DENND2B: variants seen among roughly 807,000 people sequenced by gnomAD.
DENND2B encodes DENN domain-containing protein 2B.
DENND2B carries 32 observed loss-of-function variants against 116.0 expected under a neutral mutation model. That is an observed-to-expected ratio of 0.28 (90% CI 0.21 to 0.37). DENND2B has a LOEUF of 0.37. Among genes scored for constraint, DENND2B ranks in the 10% least tolerant of loss-of-function variants. DENND2B has a pLI of 1.00. For synonymous variants in DENND2B, 588 were observed against 583.9 expected (o/e 1.01, Z -0.10); for missense variants, 1,276 against 1,477.7 (o/e 0.86, Z 2.24).
In DENND2B at chr11:8,865,140, T is replaced by C. The variant is rs79985878; in HGVS notation, c.-250+5814A>G. Among the ~76,000 whole-genome samples, 1,141 of 152,290 alleles carry C rather than the reference T, an allele frequency of 7.5e-3. 8 individuals carry two copies. The highest frequency in any genetic ancestry group is 0.012 in the Non-Finnish European group (825 of 68,016). ...TTCTATCATATTTGCATGGAGATCCTAAATTCCAGTTTAAACAAATGATTC... is the reference window on the plus strand; with the variant it reads ...TTCTATCATATTTGCATGGAGATCCCAAATTCCAGTTTAAACAAATGATTC... On this transcript the variant is annotated intron_variant, in intron 2 of 6. Coordinates refer to the DENND2B transcript ENST00000524757.
chr11:8,869,668 GAAA>G (rs1318739472), intron 2 of DENND2B, among the ~76,000 whole-genome samples: 1 of 151,142 alleles, frequency 6.6e-6, no homozygotes, highest in South Asian at 2.1e-4. Context: ...AAAAAAAAAA[GAAA>G]AAAATTTTTT....
intron 5 of DENND2B, 54 bp downstream of exon 5, chr11:8,717,687 C>T: frequency 1.5e-5 from 22 of 1,479,716 alleles, no homozygotes; most frequent in Non-Finnish European, 1.8e-5. Context: ...GAAGAGCAGG[C>T]CCCCACTGTG....
Position 8,827,434 on chromosome 11 carries a change from A to G in DENND2B, c.-115+11876T>C, listed in dbSNP as rs1594132564. 3.3e-5 allele frequency among the ~76,000 whole-genome samples: 5 copies of G among 152,228 alleles called. No individual in the cohort carries two copies. In the South Asian group the frequency reaches 1.0e-3, roughly 32 times the overall value. On this transcript the variant is annotated intron_variant, in intron 4 of 6. Transcript: ENST00000524757. ...TTTCACAGTTCTCCTGAAGGTGATGAAAGATTATAGCCACTCATCTCCAAT... is the reference window on the plus strand; with the variant it reads ...TTTCACAGTTCTCCTGAAGGTGATGGAAGATTATAGCCACTCATCTCCAAT...
intron 1 of DENND2B, among the ~76,000 whole-genome samples, chr11:8,769,239 C>T (rs372925316): frequency 1.4e-5 from 2 of 142,584 alleles, no homozygotes; most frequent in East Asian, 2.1e-4. Context: ...AAAGCAACTT[C>T]TTTTTTTTTT....
intron 1 of DENND2B, chr11:8,895,414 T>C (rs1206099453): frequency 1.3e-5 from 2 of 152,072 alleles, no homozygotes; most frequent in Admixed American, 6.6e-5. Flanking sequence ...TTAAAAAAAA[T>C]GGATGGACAT....
chr11:8,772,560 T>C lies in DENND2B; in HGVS notation c.-25-21835A>G, dbSNP rs373151226. Among the ~76,000 whole-genome samples, 149 of 152,150 alleles carry C rather than the reference T, an allele frequency of 9.8e-4. 1 individual carries two copies. In the South Asian group the frequency reaches 0.021, roughly 21 times the overall value. On this transcript the variant is annotated intron_variant, in intron 1 of 19. Coordinates refer to ENST00000313726, the MANE Select transcript of DENND2B (RefSeq NM_213618.2). ...CCCCACACATTTGGTGTCAGGAGTG[T>C]TGTGAGTAGCAATATATCATACTAA...
At chr11:8,806,818 C>T (rs2060901800) in intron 1 of DENND2B, among the ~76,000 whole-genome samples, 1 of 152,134 alleles carries the variant, frequency 6.6e-6, no homozygotes, top group African/African-American at 2.4e-5. Flanking sequence ...CTAGCCTCCC[C>T]AGCCCCTGCC....
chr11:8,799,097 C>T (rs1036611260), intron 1 of DENND2B, among the ~76,000 whole-genome samples: 2 of 152,210 alleles, frequency 1.3e-5, no homozygotes, highest in Admixed American at 6.5e-5. Flanking sequence ...GCTGGGATTA[C>T]AGGCCTGAGC....
chr11:8,844,945 T>C (rs907377028), intron 3 of DENND2B, among the ~76,000 whole-genome samples: 1 of 152,134 alleles, frequency 6.6e-6, no homozygotes, highest in Non-Finnish European at 1.5e-5. Context: ...TCTTGCTTTG[T>C]TGCCCAGGCT....
chr11:8,839,981 G>A (rs1452290058), intron 3 of DENND2B, among the ~76,000 whole-genome samples: 3 of 152,058 alleles, frequency 2.0e-5, no homozygotes, highest in Admixed American at 2.0e-4. Flanking sequence ...AAGGAGTTAA[G>A]CTAAGGGGAG....
chr11:8,864,875 T>A (rs1332034665), intron 2 of DENND2B, among the ~76,000 whole-genome samples: 3 of 152,026 alleles, frequency 2.0e-5, no homozygotes, highest in Non-Finnish European at 4.4e-5. Flanking sequence ...ACGGAAAAAA[T>A]TTAAAAAATC....
chr11:8,898,232 A>G (rs181795352), intron 1 of DENND2B, among the ~76,000 whole-genome samples: 112 of 152,318 alleles, frequency 7.4e-4, no homozygotes, highest in Admixed American at 2.0e-3. Flanking sequence ...AAAGAGATTT[A>G]AAAATAAAAC....
chr11:8,700,832 T>TA (rs1212638999), intron 14 of DENND2B, among the ~76,000 whole-genome samples: 7 of 152,140 alleles, frequency 4.6e-5, no homozygotes, highest in African/African-American at 1.7e-4. Flanking sequence ...AATTTTTATT[T>TA]ATTTATTTAT....
intron 2 of DENND2B, among the ~76,000 whole-genome samples, chr11:8,739,281 G>A (rs889640764): frequency 6.6e-6 from 1 of 152,100 alleles, no homozygotes; most frequent in African/African-American, 2.4e-5. Context: ...AGCCCCCGAA[G>A]CCCTCTCCCA....
chr11:8,767,810 C>T (rs974178174), intron 1 of DENND2B, among the ~76,000 whole-genome samples: 1 of 152,144 alleles, frequency 6.6e-6, no homozygotes, highest in Non-Finnish European at 1.5e-5. Flanking sequence ...ACTGAGATTC[C>T]TAGATTCTTA....
At chr11:8,727,417 C>T (rs1174227338) in intron 3 of DENND2B, among the ~76,000 whole-genome samples, 1 of 152,196 alleles carries the variant, frequency 6.6e-6, no homozygotes, top group Non-Finnish European at 1.5e-5. Flanking sequence ...CTCCGTGTGC[C>T]TCTGTGACAC....
chr11:8,737,098 G>A (rs1036370036), intron 2 of DENND2B, among the ~76,000 whole-genome samples: 2 of 152,146 alleles, frequency 1.3e-5, no homozygotes, highest in South Asian at 2.1e-4. Context: ...AGACACAAAC[G>A]GGAAGTCTAG....
At chr11:8,882,789 A>G (rs2063916887) in intron 1 of DENND2B, among the ~76,000 whole-genome samples, 1 of 152,144 alleles carries the variant, frequency 6.6e-6, no homozygotes, top group Admixed American at 6.5e-5. Context: ...GCAGTTGGAG[A>G]TCAGCCTAGG....
intron 1 of DENND2B, chr11:8,776,146 G>GCACACACACACA (rs1555185694): frequency 3.4e-5 from 10 of 292,396 alleles, no homozygotes; most frequent in African/African-American, 2.9e-4. Flanking sequence ...GCACGTGCGC[G>GCACACACACACA]CACGCGCGCG....
Sources: allele counts gnomAD v4.1 joint callset (sites outside exome capture counted in the v4.1 genomes callset), GRCh38; gene constraint gnomAD v4.1.1; transcripts MANE v1.5; gene names NCBI Gene and HGNC (gene_info 2026-07-23, HGNC 2026-07-21).